TTF1: variants seen among roughly 807,000 people sequenced by gnomAD.
TTF1 encodes transcription termination factor 1, also known as transcription termination factor, RNA polymerase I.
TTF1 carries 64 observed loss-of-function variants against 80.2 expected under a neutral mutation model. The ratio of observed to expected loss-of-function variants is 0.80; its 90% CI spans 0.65 to 0.98. TTF1 has a LOEUF of 0.98. Among genes scored for constraint, TTF1 ranks in the 50% least tolerant of loss-of-function variants. The pLI, the probability that TTF1 is intolerant of heterozygous loss-of-function variation, is 0.00. For synonymous variants in TTF1, 372 were observed against 382.7 expected (o/e 0.97, Z 0.33); for missense variants, 1,023 against 1,086.2 (o/e 0.94, Z 0.82).
intron 6 of TTF1, among the ~76,000 whole-genome samples, chr9:132,391,214 T>C (rs1042156287): frequency 6.6e-6 from 1 of 151,940 alleles, no homozygotes; most frequent in Admixed American, 6.5e-5. Context: ...CAAGAGTTCA[T>C]AGTGTAACAA....
In TTF1 at chr9:132,391,590, G is replaced by A. The variant is rs1018272358; in HGVS notation, c.1987+486C>T. Among the ~76,000 whole-genome samples, 6 of 152,190 alleles carry A rather than the reference G, an allele frequency of 3.9e-5. No individual in the cohort carries two copies. In the East Asian group the frequency reaches 5.8e-4, roughly 15 times the overall value. On this transcript the variant is annotated intron_variant, in intron 6 of 10. Coordinates refer to ENST00000334270, the MANE Select transcript of TTF1 (RefSeq NM_007344.4). ...GCTGCAAGGCACTAGCTGTGTGGCC[G>A]GAGTGTGTGAGCCCCTGTGCTAAAC...
In TTF1 at chr9:132,402,810, T is replaced by C; in HGVS notation, c.12A>G (p.Glu4=). 1.3e-6 allele frequency: 2 copies of C among 1,578,024 alleles called. No homozygotes were observed. Among genetic ancestry groups the C allele is most frequent in the East Asian group, 4.5e-5 (2 of 44,602 alleles). ...GAGTGTGGATTTCAAATCTGCTTGA[T>C]TCTCCTTCCATTTTATTCCTATATG... is the stretch of plus-strand genomic sequence containing the variant. MEG[E]SSRFEIHTPV... Residue 4 remains glutamate (E), a synonymous_variant, in exon 2 of 11, where the codon GAA becomes GAG. Coordinates refer to ENST00000334270, the MANE Select transcript of TTF1 (RefSeq NM_007344.4).
intron 6 of TTF1, among the ~76,000 whole-genome samples, chr9:132,391,231 T>C (rs1357518078): frequency 6.6e-6 from 1 of 152,150 alleles, no homozygotes; most frequent in Non-Finnish European, 1.5e-5. Flanking sequence ...ACAATATAAA[T>C]AGCTACACTG....
At chr9:132,386,703 C>T in intron 8 of TTF1, 82 bp from the exon 9 acceptor site, 2 of 1,183,268 alleles carry the variant, frequency 1.7e-6, no homozygotes, top group Non-Finnish European at 2.5e-6. Flanking sequence ...GTGCTGAGAG[C>T]TGGAAGGTAT....
chr9:132,379,126 G>C lies in TTF1; in HGVS notation c.2397C>G (p.Tyr799Ter). The stretch of plus-strand genomic sequence containing the variant: ...TCAGCCTAGAAAATTTAGTTTGAAC[G>C]TAAGATGGAGGAACATCACTTTAGA... ...ASAIGDVPPS[Y>*]VQTKFSRLKA... The change falls in exon 10 of 11, where the codon TAC (tyrosine) becomes TAG (stop). Residue 799 changes from tyrosine (Y) to a stop codon, truncating the protein, a stop_gained. Coordinates refer to ENST00000334270, the MANE Select transcript of TTF1 (RefSeq NM_007344.4). LOFTEE classifies it high-confidence loss of function. 1 of 1,606,554 alleles carries C rather than the reference G, an allele frequency of 6.2e-7. No homozygotes were observed. The highest frequency in any genetic ancestry group is 8.5e-7 in the Non-Finnish European group (1 of 1,178,072).
In TTF1 at chr9:132,400,773, T is replaced by C. The variant is rs183587422; in HGVS notation, c.1368-515A>G. ...TCAGAGGGAGCCTAGAAGCTAAAAG[T>C]GCAGCCCTAAGCCCCATTTCCACTG... is the stretch of plus-strand genomic sequence containing the variant. On this transcript the variant is annotated intron_variant, in intron 2 of 10. Coordinates refer to ENST00000334270, the MANE Select transcript of TTF1 (RefSeq NM_007344.4). Among the ~76,000 whole-genome samples, 894 of 152,302 alleles carry C rather than the reference T, an allele frequency of 5.9e-3. 9 individuals carry two copies. The highest frequency in any genetic ancestry group is 0.02 in the African/African-American group (829 of 41,570).
chr9:132,391,106 G>C (rs1849551443), intron 6 of TTF1, among the ~76,000 whole-genome samples: 1 of 152,162 alleles, frequency 6.6e-6, no homozygotes, highest in African/African-American at 2.4e-5. Flanking sequence ...TCCTGTTTCT[G>C]AGAACGTCTC....
At chr9:132,401,424 AC>A in intron 2 of TTF1, 30 bp downstream of exon 2, 2 of 1,567,990 alleles carry the variant, frequency 1.3e-6, no homozygotes, top group Non-Finnish European at 1.7e-6. Context: ...AAAGAAATAT[AC>A]CAGCAGCTGG....
At chr9:132,381,330 A>C (rs1183071637) in intron 9 of TTF1, among the ~76,000 whole-genome samples, 1 of 151,848 alleles carries the variant, frequency 6.6e-6, no homozygotes, top group East Asian at 1.9e-4. Flanking sequence ...AGCTGGGATT[A>C]CAGGTACCTG....
At chr9:132,381,470 G>A (rs186852204) in intron 9 of TTF1, among the ~76,000 whole-genome samples, 29 of 152,346 alleles carry the variant, frequency 1.9e-4, no homozygotes, top group East Asian at 5.8e-4. Context: ...GATTACAGGC[G>A]TGAATCACCA....
chr9:132,379,415 GAGAAGGCAAAGTAT>G (rs1419495220), intron 9 of TTF1, among the ~76,000 whole-genome samples: 5 of 152,190 alleles, frequency 3.3e-5, no homozygotes, highest in Admixed American at 6.5e-5. Flanking sequence ...ATCACTAGTC[GAGAAGGCAAAGTAT>G]AGAAGGCAAA....
At chr9:132,380,229 C>G (rs373337734) in intron 9 of TTF1, among the ~76,000 whole-genome samples, 1 of 152,056 alleles carries the variant, frequency 6.6e-6, no homozygotes, top group Non-Finnish European at 1.5e-5. Flanking sequence ...ACCACCACGC[C>G]CAGCTAAATT....
At position 132,386,545 on chromosome 9, in the gene TTF1, A is replaced by C; in HGVS notation, c.2378+11T>G. ...ATTTTAATTAGTTTAATATTAAACA[A>C]ATGGTCTTACCCTATGGCACTAGCA... On this transcript the variant is annotated intron_variant, in intron 9 of 10. Coordinates refer to ENST00000334270, the MANE Select transcript of TTF1 (RefSeq NM_007344.4). The C allele has an allele frequency of 6.3e-7, 1 of 1,597,490 alleles. No individual in the cohort carries two copies. The highest frequency in any genetic ancestry group is 8.6e-7 in the Non-Finnish European group (1 of 1,167,560).
intron 1 of TTF1, among the ~76,000 whole-genome samples, chr9:132,405,329 G>A (rs569281584): frequency 6.8e-4 from 104 of 152,122 alleles, no homozygotes; most frequent in African/African-American, 2.4e-3. Context: ...CTCAGCCTCC[G>A]GAGTAGTAGC....
At chr9:132,378,144 ATGTGG>A (rs1174093952) in intron 10 of TTF1, among the ~76,000 whole-genome samples, 13 of 102,698 alleles carry the variant, frequency 1.3e-4, no homozygotes, top group Non-Finnish European at 1.9e-4. Flanking sequence ...GTGTGAGTGC[ATGTGG>A]TGTGTGTGAG....
intron 9 of TTF1, 124 bp from the exon 10 acceptor site, chr9:132,379,268 A>T: frequency 3.4e-6 from 2 of 592,508 alleles, no homozygotes; most frequent in Non-Finnish European, 5.6e-6. Flanking sequence ...ACATAAGATC[A>T]TCATACATGT....
chr9:132,404,682 GA>G (rs1849830669), intron 1 of TTF1, among the ~76,000 whole-genome samples: 1 of 151,700 alleles, frequency 6.6e-6, no homozygotes, highest in Non-Finnish European at 1.5e-5. Context: ...AACATTTCCT[GA>G]AAGAGAAATC....
chr9:132,375,897 G>C lies in TTF1; in HGVS notation c.*18C>G, dbSNP rs552116328. The C allele has an allele frequency of 2.7e-6, 4 of 1,459,052 alleles. No homozygotes were observed. Among genetic ancestry groups the C allele is most frequent in the Non-Finnish European group, 3.8e-6 (4 of 1,062,854 alleles). 90.4% of individuals were successfully genotyped at this position (1,459,052 alleles called of 1,614,324 possible). Reference sequence around the variant, plus strand: ...AGGTCTTCACCATGTTGGTCAGGCCGGTCTCGAACTCCTGACCTCAGATGA... The same window carrying C: ...AGGTCTTCACCATGTTGGTCAGGCCCGTCTCGAACTCCTGACCTCAGATGA... On this transcript the variant is annotated 3_prime_UTR_variant, in exon 11 of 11. Coordinates refer to ENST00000334270, the MANE Select transcript of TTF1 (RefSeq NM_007344.4).
At position 132,386,538 on chromosome 9, in the gene TTF1, T is replaced by C; in HGVS notation, c.2378+18A>G. ...TCTCTATATTTTAATTAGTTTAATA[T>C]TAAACAAATGGTCTTACCCTATGGC... On this transcript the variant is annotated intron_variant, in intron 9 of 10. Transcript: ENST00000334270. 6.3e-7 allele frequency: 1 copy of C among 1,583,862 alleles called. No individual in the cohort carries two copies. The highest frequency in any genetic ancestry group is 8.7e-7 in the Non-Finnish European group (1 of 1,155,536).
Sources: allele counts gnomAD v4.1 joint callset (sites outside exome capture counted in the v4.1 genomes callset), GRCh38; gene constraint gnomAD v4.1.1; transcripts MANE v1.5; gene names NCBI Gene and HGNC (gene_info 2026-07-23, HGNC 2026-07-21).